The following TMEM132D variants were observed in gnomAD, a reference collection of about 807,000 sequenced individuals.
TMEM132D encodes the protein transmembrane protein 132D, also known as mature OL transmembrane protein.
Under a neutral mutation model 62.3 loss-of-function variants are expected in TMEM132D, and 21 were observed. The observed-to-expected ratio is 0.34, with a 90% CI of 0.24 to 0.49. The LOEUF (loss-of-function observed/expected upper bound fraction) is 0.49, where lower values mean the gene tolerates loss of function less well. Ranked by LOEUF, TMEM132D falls within the 20% of genes least tolerant of loss-of-function variation. TMEM132D has a pLI of 0.99. For synonymous variants in TMEM132D, 621 were observed against 575.6 expected, an observed-to-expected ratio of 1.08 and a Z score of -1.13; for missense variants, 1,346 against 1,402.8, an observed-to-expected ratio of 0.96 and a Z score of 0.65.
At chr12:129,394,230 A>G (rs1030048207) in intron 3 of TMEM132D, among the ~76,000 whole-genome samples, 6 of 152,166 alleles carry the variant, frequency 3.9e-5, no homozygotes, top group South Asian at 4.1e-4. Context: ...TGTCAATTAC[A>G]GTTTCTGCTC....
intron 8 of TMEM132D, among the ~76,000 whole-genome samples, chr12:129,075,355 G>C (rs1874217967): frequency 6.7e-6 from 1 of 148,784 alleles, no homozygotes; most frequent in African/African-American, 2.5e-5. Flanking sequence ...TGTTATAAAA[G>C]GAAGATGGGC....
chr12:129,866,230 G>A (rs894435500), intron 1 of TMEM132D, among the ~76,000 whole-genome samples: 4 of 152,070 alleles, frequency 2.6e-5, no homozygotes, highest in Non-Finnish European at 2.9e-5. Flanking sequence ...AGAAATGAGT[G>A]TTAGCATATA....
intron 3 of TMEM132D, among the ~76,000 whole-genome samples, chr12:129,357,826 T>A (rs994736401): frequency 4.6e-5 from 7 of 152,190 alleles, no homozygotes; most frequent in African/African-American, 1.7e-4. Context: ...GACATACCCA[T>A]AGGCTACCAA....
intron 1 of TMEM132D, among the ~76,000 whole-genome samples, chr12:129,739,276 G>A (rs901349127): frequency 8.5e-5 from 13 of 152,096 alleles, no homozygotes; most frequent in African/African-American, 3.1e-4. Flanking sequence ...CCAACTTCAC[G>A]CTCAGGGAAA....
chr12:129,458,346 A>G (rs562262497), intron 3 of TMEM132D, among the ~76,000 whole-genome samples: 2 of 151,950 alleles, frequency 1.3e-5, no homozygotes, highest in African/African-American at 4.8e-5. Context: ...ACAATAAAAA[A>G]TGGTGTTGGC....
chr12:129,572,774 G>A (rs1054595512), intron 2 of TMEM132D, among the ~76,000 whole-genome samples: 1 of 151,430 alleles, frequency 6.6e-6, no homozygotes, highest in African/African-American at 2.4e-5. Context: ...TAAACTGGGG[G>A]TGCACTAACC....
At chr12:129,529,861 A>G (rs1876164664) in intron 3 of TMEM132D, among the ~76,000 whole-genome samples, 1 of 152,204 alleles carries the variant, frequency 6.6e-6, no homozygotes, top group Admixed American at 6.5e-5. Flanking sequence ...TGATTTCCAA[A>G]TTATATTACT....
intron 4 of TMEM132D, among the ~76,000 whole-genome samples, chr12:129,274,727 A>C (rs1479952640): frequency 6.6e-6 from 1 of 152,082 alleles, no homozygotes; most frequent in East Asian, 1.9e-4. Flanking sequence ...TCTACTAAAA[A>C]ATACAAAAAA....
chr12:129,583,795 G>A (rs1373886028), intron 2 of TMEM132D, among the ~76,000 whole-genome samples: 1 of 152,172 alleles, frequency 6.6e-6, no homozygotes, highest in Non-Finnish European at 1.5e-5. Flanking sequence ...TCGGGAAAAG[G>A]ATGTAGCAGC....
chr12:129,817,520 TC>T (rs1482771318), intron 1 of TMEM132D, among the ~76,000 whole-genome samples: 2 of 152,176 alleles, frequency 1.3e-5, no homozygotes, highest in Non-Finnish European at 2.9e-5. Context: ...CCTTCCATTT[TC>T]AGTCTGAGAA....
At chr12:129,652,845 A>G (rs1340448985) in intron 2 of TMEM132D, among the ~76,000 whole-genome samples, 1 of 152,216 alleles carries the variant, frequency 6.6e-6, no homozygotes, top group Non-Finnish European at 1.5e-5. Flanking sequence ...ACTCTTTGCC[A>G]GACACGTGCC....
chr12:129,487,900 G>A (rs1874636159), intron 3 of TMEM132D, among the ~76,000 whole-genome samples: 1 of 123,542 alleles, frequency 8.1e-6, no homozygotes, highest in African/African-American at 3.1e-5. Context: ...TTGCGCCACT[G>A]TACTCCAACC....
At chr12:129,264,783 G>A (rs1880642709) in intron 4 of TMEM132D, among the ~76,000 whole-genome samples, 1 of 152,190 alleles carries the variant, frequency 6.6e-6, no homozygotes, top group South Asian at 2.1e-4. Context: ...GATGAGACTG[G>A]AGACTATTAT....
At chr12:129,077,884 CACAAA>C (rs1261156717) in intron 8 of TMEM132D, among the ~76,000 whole-genome samples, 9 of 152,048 alleles carry the variant, frequency 5.9e-5, no homozygotes, top group South Asian at 4.2e-4. Flanking sequence ...TACACAGACA[CACAAA>C]AACAACATAT....
intron 4 of TMEM132D, among the ~76,000 whole-genome samples, chr12:129,333,232 A>G (rs1177578175): frequency 6.6e-6 from 1 of 152,256 alleles, no homozygotes; most frequent in East Asian, 1.9e-4. Flanking sequence ...CACTATGCAT[A>G]GCAAGTGGAA....
intron 8 of TMEM132D, among the ~76,000 whole-genome samples, chr12:129,075,469 A>C (rs1874220658): frequency 6.6e-6 from 1 of 152,222 alleles, no homozygotes; most frequent in Admixed American, 6.5e-5. Context: ...TCAAATGAAA[A>C]ATATTTATTA....
intron 1 of TMEM132D, among the ~76,000 whole-genome samples, chr12:129,895,818 T>TA (rs35642356): frequency 0.45 from 67,255 of 148,328 alleles, 15,467 homozygotes; most frequent in African/African-American, 0.56. Flanking sequence ...TTTCCCCTAG[T>TA]AAAAAAAAAA....
intron 5 of TMEM132D, chr12:129,110,684 A>T (rs1875667518): frequency 6.6e-6 from 1 of 152,242 alleles, no homozygotes; most frequent in Non-Finnish European, 1.5e-5. Flanking sequence ...GATGTGCTCT[A>T]TAGGTCAGCC....
At chr12:129,351,607 A>G (rs935724306) in intron 3 of TMEM132D, among the ~76,000 whole-genome samples, 1 of 152,188 alleles carries the variant, frequency 6.6e-6, no homozygotes, top group African/African-American at 2.4e-5. Context: ...AGACACTCAC[A>G]TCTCTGCCAT....
Sources: allele counts gnomAD v4.1 joint callset (sites outside exome capture counted in the v4.1 genomes callset), GRCh38; gene constraint gnomAD v4.1.1; transcripts MANE v1.5; gene names NCBI Gene and HGNC (gene_info 2026-07-23, HGNC 2026-07-21).